GRK2: variants seen among roughly 807,000 people sequenced by gnomAD.
The protein encoded by GRK2 is G protein-coupled receptor kinase 2.
A neutral mutation model predicts 97.8 loss-of-function variants in GRK2; 23 were observed. The observed-to-expected ratio is 0.24, with a 90% CI of 0.17 to 0.33. The LOEUF (loss-of-function observed/expected upper bound fraction) is 0.33, where lower values mean the gene tolerates loss of function less well. Ranked by LOEUF, GRK2 falls within the 10% of genes least tolerant of loss-of-function variation. The pLI is 1.00. For synonymous variants in GRK2, 425 were observed against 381.7 expected, an observed-to-expected ratio of 1.11 and a Z score of -1.32; for missense variants, 633 against 956.9, an observed-to-expected ratio of 0.66 and a Z score of 4.47.
intron 2 of GRK2, among the ~76,000 whole-genome samples, chr11:67,278,712 C>A (rs944112355): frequency 3.3e-5 from 5 of 152,196 alleles, no homozygotes; most frequent in Admixed American, 2.6e-4. Flanking sequence ...GCCTCAGAGC[C>A]CCCTGCTAAC....
In GRK2 at chr11:67,281,061, C is replaced by T. The variant is rs1860137474; in HGVS notation, c.556-32C>T. 6.3e-7 allele frequency: 1 copy of T among 1,587,110 alleles called. No individual in the cohort carries two copies. The highest frequency in any genetic ancestry group is 1.7e-5 in the Admixed American group (1 of 58,512). ...TGCCCCAGGGCTGGGCAGAGGCAGC[C>T]TGTGGTGACCGCAGCTGTCGCTGCC... On this transcript the variant is annotated intron_variant, in intron 7 of 20. Coordinates refer to ENST00000308595, the MANE Select transcript of GRK2 (RefSeq NM_001619.5). This position sits in a 1 kb window ranked among gnomAD's most constrained non-coding sequence, Gnocchi z 5.7.
In GRK2 at chr11:67,282,127, G is replaced by T; in HGVS notation, c.958-144G>T. Reference sequence around the variant, plus strand: ...CACTCTCTGGGTCCAGGTTGTAGCTGGGGACAGGAGAGAGGACCCCCACCT... The same window carrying T: ...CACTCTCTGGGTCCAGGTTGTAGCTTGGGACAGGAGAGAGGACCCCCACCT... On this transcript the variant is annotated intron_variant, in intron 11 of 20. Coordinates refer to ENST00000308595, the MANE Select transcript of GRK2 (RefSeq NM_001619.5). The surrounding 1 kb of genome is among the most constrained non-coding windows in gnomAD (Gnocchi z 6.9). The T allele has an allele frequency of 8.3e-7, 1 of 1,209,720 alleles. No individual in the cohort carries two copies. Among genetic ancestry groups the T allele is most frequent in the Non-Finnish European group, 1.2e-6 (1 of 849,336 alleles). The allele number at this position is 1,209,720 out of a possible 1,614,324, so 74.9% of individuals were successfully genotyped here. A position where few individuals can be genotyped will look rare whatever the true frequency, so the allele number is the denominator to read the frequency against.
Position 67,285,067 on chromosome 11 carries a change from C to G in GRK2, c.1792-8C>G. On this transcript the variant is annotated splice_region_variant and splice_polypyrimidine_tract_variant and intron_variant, in intron 19 of 20. Coordinates refer to ENST00000308595, the MANE Select transcript of GRK2 (RefSeq NM_001619.5). ...TCTTACCTGCACCACCCATCCCTGG[C>G]CCTGCAGCAGAGCCTGCTGACCATG... The G allele has an allele frequency of 1.9e-6, 3 of 1,612,998 alleles. No individual in the cohort carries two copies. The highest frequency in any genetic ancestry group is 2.5e-6 in the Non-Finnish European group (3 of 1,179,834).
In GRK2 at chr11:67,286,115, A is replaced by G; in HGVS notation, c.*665A>G. 1 of 432,664 alleles carries G rather than the reference A, an allele frequency of 2.3e-6. No homozygotes were observed. Among genetic ancestry groups the G allele is most frequent in the Non-Finnish European group, 4.1e-6 (1 of 242,396 alleles). 26.8% of individuals were successfully genotyped at this position (432,664 alleles called of 1,614,324 possible). On this transcript the variant is annotated 3_prime_UTR_variant, in exon 21 of 21. Transcript: ENST00000308595. ...GCTGTCCCCTCTTGCCCCAACCCCCAGCACCCGGGCTCAGGGACCACAGCA... is the reference window on the plus strand; with the variant it reads ...GCTGTCCCCTCTTGCCCCAACCCCCGGCACCCGGGCTCAGGGACCACAGCA...
chr11:67,280,806 T>C, intron 7 of GRK2, 23 bp downstream of exon 7: 1 of 1,613,534 alleles, frequency 6.2e-7, no homozygotes, highest in Middle Eastern at 1.7e-4. Context: ...GGGTGGGGCA[T>C]GGAAAGCCAC....
rs781752360 is a variant in GRK2 at position 67,269,349 on chromosome 11, A to G, written c.113+2537A>G. ...TTAGCAGTTGAAGTTATTGAGGCTC[A>G]GGGAGGGGAGGAGTCGTGTCCTCGT... is the stretch of plus-strand genomic sequence containing the variant. On this transcript the variant is annotated intron_variant, in intron 1 of 20. Coordinates refer to ENST00000308595, the MANE Select transcript of GRK2 (RefSeq NM_001619.5). This position sits in a 1 kb window ranked among gnomAD's most constrained non-coding sequence, Gnocchi z 4.1. 1.3e-5 allele frequency among the ~76,000 whole-genome samples: 2 copies of G among 152,196 alleles called. No individual in the cohort carries two copies. Among genetic ancestry groups the G allele is most frequent in the Non-Finnish European group, 2.9e-5 (2 of 68,024 alleles).
chr11:67,280,915 G>C, intron 7 of GRK2, 132 bp downstream of exon 7: 1 of 1,220,500 alleles, frequency 8.2e-7, no homozygotes, highest in Non-Finnish European at 1.2e-6. Flanking sequence ...CCGTGGCTAT[G>C]GGGGTCAGGG....
At chr11:67,274,834 G>A (rs1859995047) in intron 1 of GRK2, among the ~76,000 whole-genome samples, 1 of 152,180 alleles carries the variant, frequency 6.6e-6, no homozygotes, top group Non-Finnish European at 1.5e-5. Context: ...GTGGACATGA[G>A]CTGGCGTGTG....
intron 2 of GRK2, 46 bp from the exon 3 acceptor site, chr11:67,279,154 C>A: frequency 1.3e-6 from 2 of 1,508,082 alleles, no homozygotes; most frequent in Non-Finnish European, 9.2e-7. Context: ...GATGGGAAGG[C>A]CTCTGAGAGA....
chr11:67,272,272 G>C (rs900449411), intron 1 of GRK2, among the ~76,000 whole-genome samples: 2 of 152,214 alleles, frequency 1.3e-5, no homozygotes, highest in East Asian at 1.9e-4. Flanking sequence ...GAGGTCAAGG[G>C]GGGGATGGAG....
chr11:67,273,678 G>A (rs554154446), intron 1 of GRK2, among the ~76,000 whole-genome samples: 2 of 152,292 alleles, frequency 1.3e-5, no homozygotes, highest in African/African-American at 4.8e-5. Context: ...GGGGAGGGGG[G>A]TTGTTTATTT....
chr11:67,267,980 G>A (rs1487929632), intron 1 of GRK2, among the ~76,000 whole-genome samples: 2 of 152,218 alleles, frequency 1.3e-5, no homozygotes, highest in African/African-American at 2.4e-5. Flanking sequence ...TGCCCGCCAC[G>A]ATTCTTTGTG....
intron 15 of GRK2, 71 bp from the exon 16 acceptor site, chr11:67,283,636 G>A (rs1291772350): frequency 6.8e-7 from 1 of 1,473,870 alleles, no homozygotes. Context: ...GAGCCAGAAA[G>A]TGGCTCAATC....
rs773591029 is a variant in GRK2, at chr11:67,285,101, C to G, written c.1818C>G (p.Ile606Met). 8 of 1,613,308 alleles carry G rather than the reference C, an allele frequency of 5.0e-6. No individual in the cohort carries two copies. The highest frequency in any genetic ancestry group is 8.5e-7 in the Non-Finnish European group (1 of 1,179,950). Residue 606 changes from isoleucine to methionine, a missense_variant, in exon 20 of 21, where the codon ATC becomes ATG. By Grantham distance (10) the Ile-to-Met change is conservative. Transcript: ENST00000308595. ...AGAGCCTGCTGACCATGGAGGAGAT[C>G]CAGTCGGTGGAGGAGACGCAGATCA... ...APQSLLTMEE[I>M]QSVEETQIKE...
In GRK2 at chr11:67,279,244, G is replaced by C; in HGVS notation, c.235G>C (p.Ala79Pro). 6.2e-7 allele frequency: 1 copy of C among 1,613,696 alleles called. No homozygotes were observed. The highest frequency in any genetic ancestry group is 8.5e-7 in the Non-Finnish European group (1 of 1,180,008). The change falls in exon 3 of 21, where the codon GCC (alanine) becomes CCC (proline). Residue 79 changes from alanine to proline, a missense_variant. Ala to Pro is a conservative substitution (Grantham distance 27). Transcript: ENST00000308595. ...CTTCTGCCTGAACCACCTGGAGGAG[G>C]CCAGGCCCTTGGTGGAATTCTATGA... ...RDFCLNHLEE[A>P]RPLVEFYEEI...
Position 67,282,689 on chromosome 11 carries a change from G to T in GRK2, c.1161-63G>T. On this transcript the variant is annotated intron_variant, in intron 13 of 20. Coordinates refer to ENST00000308595, the MANE Select transcript of GRK2 (RefSeq NM_001619.5). This position sits in a 1 kb window ranked among gnomAD's most constrained non-coding sequence, Gnocchi z 6.9. ...CTGACTTTGGCCACAGCTCATCCAT[G>T]CTGCCTGCCTCCCTTTCCCCATTCC... 6.3e-7 allele frequency: 1 copy of T among 1,595,252 alleles called. No homozygotes were observed. Among genetic ancestry groups the T allele is most frequent in the East Asian group, 2.3e-5 (1 of 44,320 alleles).
chr11:67,274,512 TTTTTTTTTTTGC>T, intron 1 of GRK2, among the ~76,000 whole-genome samples: 1 of 116,058 alleles, frequency 8.6e-6, no homozygotes, highest in Non-Finnish European at 1.9e-5. Flanking sequence ...TTTTTTTTTT[TTTTTTTTTTTGC>T]TTTTTTTCAT....
chr11:67,281,787 A>T lies in GRK2; in HGVS notation c.827-35A>T. 1 of 1,613,554 alleles carries T rather than the reference A, an allele frequency of 6.2e-7. No individual in the cohort carries two copies. On this transcript the variant is annotated intron_variant, in intron 10 of 20. Coordinates refer to ENST00000308595, the MANE Select transcript of GRK2 (RefSeq NM_001619.5). The surrounding 1 kb of genome is among the most constrained non-coding windows in gnomAD (Gnocchi z 5.7). ...CCCAGGCACGGGAGGCTGGGGCAAGACACTGAGTGCTGCCTGTGGGACTGC... is the reference window on the plus strand; with the variant it reads ...CCCAGGCACGGGAGGCTGGGGCAAGTCACTGAGTGCTGCCTGTGGGACTGC...
intron 1 of GRK2, among the ~76,000 whole-genome samples, chr11:67,275,859 A>G (rs991231492): frequency 6.6e-6 from 1 of 152,200 alleles, no homozygotes; most frequent in African/African-American, 2.4e-5. Context: ...AGGCTTCTGC[A>G]CACGCTGTCT....
Sources: allele counts gnomAD v4.1 joint callset (sites outside exome capture counted in the v4.1 genomes callset), GRCh38; gene constraint gnomAD v4.1.1; non-coding constraint Gnocchi (gnomAD v3.1); transcripts MANE v1.5; gene names NCBI Gene and HGNC (gene_info 2026-07-23, HGNC 2026-07-21).